The following ZFHX3 variants were observed in gnomAD, a reference collection of about 807,000 sequenced individuals.
ZFHX3 encodes zinc finger homeobox protein 3.
ZFHX3 carries 42 observed loss-of-function variants against 279.1 expected under a neutral mutation model. That is an observed-to-expected ratio of 0.15 (90% CI 0.12 to 0.19). The LOEUF (loss-of-function observed/expected upper bound fraction) is 0.19, where lower values mean the gene tolerates loss of function less well. ZFHX3 is among the 10% of genes least tolerant of loss of function. The probability of loss-of-function intolerance (pLI) is 1.00; values close to 1 mark genes in which losing one functional copy is unlikely to be tolerated. For missense variants in ZFHX3, 4,981 were observed against 4,754.0 expected (o/e 1.05, Z -1.40); for synonymous variants, 2,293 against 1,957.8 (o/e 1.17, Z -4.52).
rs143498870 is a variant in ZFHX3, at chr16:73,003,520, C to CCG, written c.-49-43327_-49-43326insCG. 2.7e-5 allele frequency among the ~76,000 whole-genome samples: 3 copies of CCG among 112,492 alleles called. No homozygotes were observed. In the East Asian group the frequency reaches 6.3e-4, roughly 24 times the overall value. The allele number at this position is 112,492 out of a possible 152,430, so 73.8% of individuals were successfully genotyped here. A position where few individuals can be genotyped will look rare whatever the true frequency, so the allele number is the denominator to read the frequency against. ...CTGGCCAACATGGTGAGACCCCCCCCTCCCCACCCCGCCCCATCTCTTAAA... is the reference window on the plus strand; with the variant it reads ...CTGGCCAACATGGTGAGACCCCCCCCCGTCCCCACCCCGCCCCATCTCTTAAA... On this transcript the variant is annotated intron_variant, in intron 1 of 9. Transcript: ENST00000268489.
intron 1 of ZFHX3, among the ~76,000 whole-genome samples, chr16:73,033,249 G>A (rs1964772815): frequency 6.6e-6 from 1 of 152,176 alleles, no homozygotes; most frequent in Non-Finnish European, 1.5e-5. Context: ...GAGGACAGAA[G>A]AGGAACGGCC....
rs532608099 is a variant in ZFHX3 at position 73,310,705 on chromosome 16, A to T, written c.-1194+7535T>A. 4.6e-5 allele frequency among the ~76,000 whole-genome samples: 7 copies of T among 152,342 alleles called. No homozygotes were observed. The South Asian group carries it at 1.2e-3, about 27-fold the overall frequency. On this transcript the variant is annotated intron_variant, in intron 4 of 17. Coordinates refer to the ZFHX3 transcript ENST00000641206. ...TGATATACACCAAGGTGCTCAATGA[A>T]GCATTATTTATAACAGCAAAATTCT...
At chr16:73,219,183 C>T (rs1048289898) in intron 5 of ZFHX3, among the ~76,000 whole-genome samples, 1 of 152,146 alleles carries the variant, frequency 6.6e-6, no homozygotes, top group Non-Finnish European at 1.5e-5. Flanking sequence ...TTTTGTTTGT[C>T]CATTCTTCTG....
chr16:72,796,945 A>G lies in ZFHX3; in HGVS notation c.5737T>C (p.Leu1913=). 1.2e-6 allele frequency: 2 copies of G among 1,613,894 alleles called. No individual in the cohort carries two copies. Among genetic ancestry groups the G allele is most frequent in the Non-Finnish European group, 1.7e-6 (2 of 1,179,972 alleles). The stretch of plus-strand genomic sequence containing the variant: ...AACTCTTTCTTCTCTTTGGCCTTCA[A>G]GGCATCTGGCAGTGTTTCCTTCGGA... The part of the protein sequence containing the change: ...TGPKETLPDA[L]KAKEKKELAP... The change falls in exon 9 of 10, where the codon TTG becomes CTG. Residue 1913 remains leucine (L), a synonymous_variant. Transcript: ENST00000268489.
intron 2 of ZFHX3, among the ~76,000 whole-genome samples, chr16:73,570,949 C>CAAAA (rs71156173): frequency 0.036 from 5,055 of 141,996 alleles, 136 homozygotes; most frequent in South Asian, 0.086. Flanking sequence ...CTTTTCTTCT[C>CAAAA]AAAAAAAAAA....
At chr16:73,796,136 C>T (rs1959979489) in intron 1 of ZFHX3, among the ~76,000 whole-genome samples, 1 of 152,102 alleles carries the variant, frequency 6.6e-6, no homozygotes, top group Non-Finnish European at 1.5e-5. Context: ...TCTTTTGCCT[C>T]TAAAATACAA....
At position 72,921,133 on chromosome 16, in the gene ZFHX3, G is replaced by A. The variant is rs148371120; in HGVS notation, c.3216+29336C>T. On this transcript the variant is annotated intron_variant, in intron 3 of 9. Coordinates refer to ENST00000268489, the MANE Select transcript of ZFHX3 (RefSeq NM_006885.4). ...AAACTCAGATACTCAGAGTGTCCTC[G>A]CAGAACATCTAGGCATTCATTCACT... Among the ~76,000 whole-genome samples the A allele has an allele frequency of 5.2e-4, 75 of 143,450 alleles. 1 individual carries two copies. In the East Asian group the frequency reaches 0.014, roughly 28 times the overall value. The allele number at this position is 143,450 out of a possible 152,430, so 94.1% of individuals were successfully genotyped here. A position where few individuals can be genotyped will look rare whatever the true frequency, so the allele number is the denominator to read the frequency against.
chr16:72,979,910 C>G (rs1962511791), intron 1 of ZFHX3, among the ~76,000 whole-genome samples: 1 of 152,112 alleles, frequency 6.6e-6, no homozygotes, highest in African/African-American at 2.4e-5. Context: ...TAAAGGTACA[C>G]TATTTACAAT....
chr16:73,731,734 A>G (rs560211960), intron 1 of ZFHX3, among the ~76,000 whole-genome samples: 2 of 152,350 alleles, frequency 1.3e-5, no homozygotes, highest in South Asian at 2.1e-4. Flanking sequence ...ATGGGACATT[A>G]TGTTCAAAAT....
intron 4 of ZFHX3, among the ~76,000 whole-genome samples, chr16:72,888,326 C>A (rs1295157186): frequency 6.6e-6 from 1 of 152,166 alleles, no homozygotes; most frequent in African/African-American, 2.4e-5. Flanking sequence ...TCTGGCTTGG[C>A]CAGGCCGTTA....
chr16:73,813,792 A>G (rs1337531684), intron 1 of ZFHX3: 1 of 151,946 alleles, frequency 6.6e-6, no homozygotes, highest in Non-Finnish European at 1.5e-5. Flanking sequence ...ATACTCAAGA[A>G]CTCCTTCCCG....
At position 73,207,114 on chromosome 16, in the gene ZFHX3, G is replaced by C. The variant is rs144472827; in HGVS notation, c.-1104+49933C>G. On this transcript the variant is annotated intron_variant, in intron 5 of 17. Coordinates refer to the ZFHX3 transcript ENST00000641206. ...ACCTATTTATGCAGAATGGTAACAA[G>C]GGAATTGACTCAGTCCCTGTACTCC... Among the ~76,000 whole-genome samples the C allele has an allele frequency of 2.3e-3, 355 of 151,964 alleles. 7 individuals carry two copies. In the East Asian group the frequency reaches 0.053, roughly 23 times the overall value.
intron 2 of ZFHX3, among the ~76,000 whole-genome samples, chr16:73,531,169 G>C (rs903415480): frequency 1.3e-4 from 20 of 152,042 alleles, no homozygotes; most frequent in African/African-American, 4.8e-4. Context: ...AATTGGTTTT[G>C]GGCTCAGTCT....
intron 7 of ZFHX3, among the ~76,000 whole-genome samples, chr16:73,109,101 G>T (rs1450344045): frequency 6.6e-6 from 1 of 152,230 alleles, no homozygotes; most frequent in Admixed American, 6.5e-5. Context: ...GGAGCTGGGT[G>T]GTCTTTCCGC....
At chr16:72,904,345 C>T (rs1344375914) in intron 3 of ZFHX3, among the ~76,000 whole-genome samples, 1 of 151,108 alleles carries the variant, frequency 6.6e-6, no homozygotes, top group Non-Finnish European at 1.5e-5. Flanking sequence ...TCCAGCCTGG[C>T]AACAGAGTGA....
intron 5 of ZFHX3, among the ~76,000 whole-genome samples, chr16:73,216,394 G>A (rs182050854): frequency 9.2e-5 from 14 of 152,226 alleles, no homozygotes; most frequent in South Asian, 4.1e-4. Context: ...ATTGGTTCCC[G>A]TCCTCTGGGT....
intron 3 of ZFHX3, among the ~76,000 whole-genome samples, chr16:73,412,528 T>A (rs765568212): frequency 5.9e-5 from 9 of 152,058 alleles, no homozygotes; most frequent in Non-Finnish European, 1.3e-4. Context: ...TCCCCTTCCT[T>A]TCCCTCCATC....
At chr16:73,624,317 T>C (rs2052395603) in intron 2 of ZFHX3, among the ~76,000 whole-genome samples, 2 of 152,224 alleles carry the variant, frequency 1.3e-5, no homozygotes, top group Admixed American at 1.3e-4. Context: ...ATGTTACAAA[T>C]AGGCTGATTT....
intron 3 of ZFHX3, among the ~76,000 whole-genome samples, chr16:72,923,821 C>A (rs1025445925): frequency 6.6e-6 from 1 of 152,216 alleles, no homozygotes; most frequent in African/African-American, 2.4e-5. Flanking sequence ...TCCCGATCAA[C>A]ATACACAGTT....
Sources: gnomAD v4.1 joint callset for allele counts (sites outside exome capture counted in the v4.1 genomes callset) on GRCh38, gnomAD v4.1.1 for gene constraint, MANE v1.5 for transcripts, NCBI Gene and HGNC (gene_info 2026-07-23, HGNC 2026-07-21) for gene names.